MSH3: variants seen among roughly 807,000 people sequenced by gnomAD.
The protein encoded by MSH3 is mutS homolog 3.
In MSH3, 106 loss-of-function variants were observed where a neutral mutation model predicts 123.3. The ratio of observed to expected loss-of-function variants is 0.86; its 90% CI spans 0.73 to 1.01. MSH3 has a LOEUF of 1.01. Among genes scored for constraint, MSH3 ranks in the 50% least tolerant of loss-of-function variants. The pLI is 0.00. For missense variants in MSH3, 1,459 were observed against 1,347.6 expected (o/e 1.08, Z -1.29); for synonymous variants, 515 against 481.4 (o/e 1.07, Z -0.91).
chr5:80,854,887 A>T (rs895513060), intron 21 of MSH3, among the ~76,000 whole-genome samples: 9 of 152,204 alleles, frequency 5.9e-5, no homozygotes, highest in African/African-American at 2.2e-4. Context: ...GGTACCATCC[A>T]TCTACAGCCA....
intron 8 of MSH3, among the ~76,000 whole-genome samples, chr5:80,723,237 G>T (rs1277823716): frequency 6.6e-6 from 1 of 152,114 alleles, no homozygotes; most frequent in East Asian, 1.9e-4. Context: ...GAAGAGCAAG[G>T]TAGGGACCTT....
chr5:80,738,090 A>G (rs886095340), intron 10 of MSH3, among the ~76,000 whole-genome samples: 1 of 152,226 alleles, frequency 6.6e-6, no homozygotes, highest in Non-Finnish European at 1.5e-5. Context: ...ATTGATTAAA[A>G]TAACCTATAC....
intron 8 of MSH3, among the ~76,000 whole-genome samples, chr5:80,680,573 GTTT>G (rs547135113): frequency 6.9e-6 from 1 of 143,994 alleles, no homozygotes. Context: ...CTATTCTGTG[GTTT>G]TTTTTTTTTT....
intron 20 of MSH3, among the ~76,000 whole-genome samples, chr5:80,849,293 T>G (rs1745787909): frequency 6.6e-6 from 1 of 152,114 alleles, no homozygotes; most frequent in South Asian, 2.1e-4. Context: ...TTTCCAGGCA[T>G]ATGGTGCAAG....
chr5:80,815,415 A>C (rs6151886), intron 20 of MSH3, among the ~76,000 whole-genome samples: 139 of 152,286 alleles, frequency 9.1e-4, no homozygotes, highest in Middle Eastern at 3.4e-3. Context: ...TGGTCAATAT[A>C]AGGGGATTTG....
intron 13 of MSH3, among the ~76,000 whole-genome samples, chr5:80,764,519 T>A (rs1561470159): frequency 7.4e-6 from 1 of 135,096 alleles, no homozygotes; most frequent in Admixed American, 7.8e-5. Flanking sequence ...CCCAGCTATT[T>A]TTTTTTTTTT....
chr5:80,845,200 C>A (rs762718147), intron 20 of MSH3, among the ~76,000 whole-genome samples: 1 of 152,166 alleles, frequency 6.6e-6, no homozygotes, highest in Non-Finnish European at 1.5e-5. Flanking sequence ...GTTGAAAATT[C>A]TTTTCTTTAA....
Position 80,775,890 on chromosome 5 carries a change from C to CT in MSH3, c.2318+145dup, listed in dbSNP as rs760266846. 0.16 allele frequency: 77,263 copies of CT among 490,742 alleles called. 519 individuals carry two copies. The highest frequency in any genetic ancestry group is 0.18 in the Non-Finnish European group (48,054 of 272,906). 30.4% of individuals were successfully genotyped at this position (490,742 alleles called of 1,614,324 possible). ...TTTTTACTTATTTTTTCTGATGGAACTTTTTTTTTTTTTGGAGGGGATGTA... is the reference window on the plus strand; with the variant it reads ...TTTTTACTTATTTTTTCTGATGGAACTTTTTTTTTTTTTTGGAGGGGATGTA... On this transcript the variant is annotated intron_variant, in intron 16 of 23. Transcript: ENST00000265081.
intron 21 of MSH3, among the ~76,000 whole-genome samples, chr5:80,858,063 G>C (rs1395475276): frequency 6.7e-6 from 1 of 148,252 alleles, no homozygotes; most frequent in Non-Finnish European, 1.5e-5. Flanking sequence ...TTTCTTTTTT[G>C]AGACAGGGTC....
At chr5:80,782,833 GAATACCAGCATTACA>G (rs563046239) in intron 17 of MSH3, among the ~76,000 whole-genome samples, 10 of 152,202 alleles carry the variant, frequency 6.6e-5, no homozygotes, top group Non-Finnish European at 1.3e-4. Flanking sequence ...TCAGAGGATT[GAATACCAGCATTACA>G]AATGTATTTG....
At chr5:80,785,503 TTGG>T (rs1218603004) in intron 17 of MSH3, among the ~76,000 whole-genome samples, 4 of 152,130 alleles carry the variant, frequency 2.6e-5, no homozygotes, top group Non-Finnish European at 5.9e-5. Flanking sequence ...TTTTACACTG[TTGG>T]TGGGACTGTA....
intron 3 of MSH3, among the ~76,000 whole-genome samples, chr5:80,668,237 A>G (rs140005738): frequency 3.8e-4 from 58 of 152,162 alleles, no homozygotes; most frequent in Non-Finnish European, 6.9e-4. Context: ...GTGTGTGCTG[A>G]TTGGTTCATG....
chr5:80,776,530 G>A (rs1012869649), intron 16 of MSH3, among the ~76,000 whole-genome samples: 4 of 149,540 alleles, frequency 2.7e-5, no homozygotes, highest in African/African-American at 7.4e-5. Context: ...CTTTTTTTTT[G>A]TAACCCAGAT....
At chr5:80,661,474 G>A (rs968850727) in intron 2 of MSH3, among the ~76,000 whole-genome samples, 1 of 151,900 alleles carries the variant, frequency 6.6e-6, no homozygotes, top group East Asian at 1.9e-4. Context: ...CATATTGTAT[G>A]TTTCATCTCC....
At chr5:80,871,049 T>C (rs1290016921) in intron 22 of MSH3, among the ~76,000 whole-genome samples, 2 of 152,214 alleles carry the variant, frequency 1.3e-5, no homozygotes, top group Non-Finnish European at 2.9e-5. Context: ...ATCCCAGTTC[T>C]TTTAAAGTTT....
At chr5:80,796,259 G>A (rs1346787265) in intron 19 of MSH3, among the ~76,000 whole-genome samples, 1 of 151,576 alleles carries the variant, frequency 6.6e-6, no homozygotes, top group South Asian at 2.1e-4. Context: ...CTTTAATAAA[G>A]CAAGATTTGA....
At chr5:80,692,400 TTAGA>T (rs375976191) in intron 8 of MSH3, among the ~76,000 whole-genome samples, 86 of 25,222 alleles carry the variant, frequency 3.4e-3, no homozygotes, top group East Asian at 0.027. Context: ...ATGTATATGT[TTAGA>T]TAGATAAACA....
rs2112118301 is a variant in MSH3 at position 80,864,801 on chromosome 5, T to G, written c.3001-12T>G. 1 of 1,605,894 alleles carries G rather than the reference T, an allele frequency of 6.2e-7. No homozygotes were observed. Among genetic ancestry groups the G allele is most frequent in the Admixed American group, 1.7e-5 (1 of 59,996 alleles). ...AAAATGAAATAACATTTATTCTGTC[T>G]TATTGCTTTAGGTGAAATCCTTAAC... On this transcript the variant is annotated splice_polypyrimidine_tract_variant and intron_variant, in intron 21 of 23. Coordinates refer to ENST00000265081, the MANE Select transcript of MSH3 (RefSeq NM_002439.5).
At chr5:80,751,282 A>G (rs1580018118) in intron 12 of MSH3, among the ~76,000 whole-genome samples, 1 of 152,172 alleles carries the variant, frequency 6.6e-6, no homozygotes, top group Admixed American at 6.5e-5. Flanking sequence ...CAAACACCAT[A>G]TTTATGGTGA....
Sources: allele counts gnomAD v4.1 joint callset (sites outside exome capture counted in the v4.1 genomes callset), GRCh38; gene constraint gnomAD v4.1.1; transcripts MANE v1.5; gene names NCBI Gene and HGNC (gene_info 2026-07-23, HGNC 2026-07-21).